The following SYT1 variants were observed in gnomAD, a reference collection of about 807,000 sequenced individuals.
The protein encoded by SYT1 is synaptotagmin 1, also known as synaptotagmin-1.
A neutral mutation model predicts 44.8 loss-of-function variants in SYT1; 8 were observed. The ratio of observed to expected loss-of-function variants is 0.18; its 90% CI spans 0.10 to 0.32. The LOEUF is 0.32. Ranked by LOEUF, SYT1 falls within the 10% of genes least tolerant of loss-of-function variation. The probability of loss-of-function intolerance (pLI) is 1.00; values close to 1 mark genes in which losing one functional copy is unlikely to be tolerated. For missense variants in SYT1, 286 were observed against 509.3 expected, an observed-to-expected ratio of 0.56 and a Z score of 4.22; for synonymous variants, 154 against 188.8, an observed-to-expected ratio of 0.82 and a Z score of 1.51.
At chr12:79,109,403 A>T (rs1409399321) in intron 3 of SYT1, among the ~76,000 whole-genome samples, 1 of 152,220 alleles carries the variant, frequency 6.6e-6, no homozygotes, top group Non-Finnish European at 1.5e-5. Context: ...CAGAGAAGTT[A>T]CATGAATGTC....
chr12:79,030,448 C>T (rs570174348), intron 2 of SYT1, among the ~76,000 whole-genome samples: 15 of 151,140 alleles, frequency 9.9e-5, no homozygotes, highest in East Asian at 5.9e-4. Flanking sequence ...TCTATCAAAA[C>T]GCATAGAAAG....
intron 3 of SYT1, among the ~76,000 whole-genome samples, chr12:79,056,264 A>G (rs1592707821): frequency 6.6e-6 from 1 of 152,072 alleles, no homozygotes; most frequent in East Asian, 1.9e-4. Context: ...AAAGAAAAGG[A>G]GAAAAGTCTG....
intron 9 of SYT1, among the ~76,000 whole-genome samples, chr12:79,404,247 G>T (rs1379947321): frequency 2.0e-5 from 3 of 152,078 alleles, no homozygotes; most frequent in Non-Finnish European, 4.4e-5. Flanking sequence ...CCCATGAATG[G>T]CAGACTAAAT....
intron 3 of SYT1, among the ~76,000 whole-genome samples, chr12:79,083,601 A>G (rs950872161): frequency 2.0e-5 from 3 of 152,228 alleles, no homozygotes; most frequent in Admixed American, 6.6e-5. Flanking sequence ...TAAAGTATTT[A>G]AAGTTGTAAA....
At chr12:78,979,339 C>T (rs148948229) in intron 2 of SYT1, among the ~76,000 whole-genome samples, 1 of 152,242 alleles carries the variant, frequency 6.6e-6, no homozygotes, top group African/African-American at 2.4e-5. Context: ...TTTCCTACAA[C>T]TATTTTGAGA....
intron 9 of SYT1, among the ~76,000 whole-genome samples, chr12:79,366,782 T>A (rs548859019): frequency 2.0e-5 from 3 of 152,274 alleles, no homozygotes; most frequent in African/African-American, 7.2e-5. Context: ...AAGCACTATA[T>A]AAATATTGGT....
At chr12:79,235,362 T>C (rs1039055282) in intron 4 of SYT1, among the ~76,000 whole-genome samples, 2 of 152,054 alleles carry the variant, frequency 1.3e-5, no homozygotes, top group East Asian at 3.8e-4. Flanking sequence ...CACAATGGAT[T>C]GTAGACCTAA....
intron 4 of SYT1, among the ~76,000 whole-genome samples, chr12:79,249,821 G>A (rs1316284200): frequency 6.6e-6 from 1 of 152,116 alleles, no homozygotes; most frequent in Non-Finnish European, 1.5e-5. Context: ...GGAGAATGAA[G>A]CCTGTTTTAG....
At chr12:79,412,758 CT>C (rs1280233820) in intron 9 of SYT1, among the ~76,000 whole-genome samples, 6 of 152,184 alleles carry the variant, frequency 3.9e-5, no homozygotes, top group African/African-American at 1.4e-4. Flanking sequence ...TATCTTAAAG[CT>C]TTGATATGCC....
At chr12:79,114,276 CATGCAGT>C (rs1879163605) in intron 3 of SYT1, among the ~76,000 whole-genome samples, 1 of 152,154 alleles carries the variant, frequency 6.6e-6, no homozygotes, top group Non-Finnish European at 1.5e-5. Flanking sequence ...TCATTCCATT[CATGCAGT>C]ACAGAGCCTA....
At chr12:79,023,805 C>T (rs1448959508) in intron 2 of SYT1, among the ~76,000 whole-genome samples, 1 of 151,744 alleles carries the variant, frequency 6.6e-6, no homozygotes, top group East Asian at 1.9e-4. Flanking sequence ...TTCTCTCTCT[C>T]TCCATGCACA....
intron 3 of SYT1, among the ~76,000 whole-genome samples, chr12:79,059,573 A>G (rs1462840891): frequency 4.6e-5 from 7 of 152,096 alleles, no homozygotes; most frequent in African/African-American, 1.7e-4. Context: ...CAATTTTTTT[A>G]TCATAACTCT....
chr12:79,247,645 T>G (rs1876932600), intron 4 of SYT1, among the ~76,000 whole-genome samples: 1 of 152,196 alleles, frequency 6.6e-6, no homozygotes, highest in Non-Finnish European at 1.5e-5. Flanking sequence ...TCTCTAAACA[T>G]TTAATGAGTG....
intron 2 of SYT1, among the ~76,000 whole-genome samples, chr12:79,026,667 T>TTTTATATATATATATA (rs1298013189): frequency 2.0e-5 from 2 of 102,280 alleles, no homozygotes; most frequent in Non-Finnish European, 3.9e-5. Flanking sequence ...CATATATATT[T>TTTTATATATATATATA]TATATATATA....
At chr12:79,180,591 A>G (rs1872473037) in intron 3 of SYT1, among the ~76,000 whole-genome samples, 1 of 152,024 alleles carries the variant, frequency 6.6e-6, no homozygotes, top group Non-Finnish European at 1.5e-5. Flanking sequence ...ACTTATAATC[A>G]TGGCTGAAGT....
intron 1 of SYT1, among the ~76,000 whole-genome samples, chr12:78,895,004 CATATT>C (rs1875278572): frequency 6.6e-6 from 1 of 151,474 alleles, no homozygotes. Context: ...TATATCAAAA[CATATT>C]ATACAATATA....
chr12:78,876,898 T>TAC (rs1565697960), intron 1 of SYT1, among the ~76,000 whole-genome samples: 420 of 17,112 alleles, frequency 0.025, 14 homozygotes, highest in African/African-American at 0.059. Context: ...TAATATATAT[T>TAC]ATATATTATA....
chr12:79,229,794 C>G (rs1476990533), intron 4 of SYT1, among the ~76,000 whole-genome samples: 1 of 151,916 alleles, frequency 6.6e-6, no homozygotes, highest in African/African-American at 2.4e-5. Context: ...GGGGTTTCAT[C>G]ATATTGGCCA....
chr12:79,372,309 T>C (rs966321636), intron 9 of SYT1, among the ~76,000 whole-genome samples: 1 of 152,182 alleles, frequency 6.6e-6, no homozygotes, highest in Non-Finnish European at 1.5e-5. Context: ...ATGAACTGAA[T>C]TGAAGTAAAG....
Sources: gnomAD v4.1 joint callset for allele counts (sites outside exome capture counted in the v4.1 genomes callset) on GRCh38, gnomAD v4.1.1 for gene constraint, MANE v1.5 for transcripts, NCBI Gene and HGNC (gene_info 2026-07-23, HGNC 2026-07-21) for gene names.